The following ALK variants were observed in gnomAD, a reference collection of about 807,000 sequenced individuals.
ALK encodes the protein ALK tyrosine kinase receptor.
ALK carries 74 observed loss-of-function variants against 163.1 expected under a neutral mutation model. That is an observed-to-expected ratio of 0.45 (90% CI 0.38 to 0.55). The LOEUF is 0.55. ALK is among the 20% of genes least tolerant of loss of function. The pLI is 0.00. For synonymous variants in ALK, 960 were observed against 843.2 expected (o/e 1.14, Z -2.40); for missense variants, 2,063 against 2,105.3 (o/e 0.98, Z 0.39).
chr2:29,689,951 C>A (rs1678346869), intron 3 of ALK, among the ~76,000 whole-genome samples: 1 of 152,200 alleles, frequency 6.6e-6, no homozygotes, highest in Non-Finnish European at 1.5e-5. Context: ...GAAAGGATTT[C>A]TCTTCAGAGC....
chr2:29,552,772 G>C (rs1673748685), intron 3 of ALK, among the ~76,000 whole-genome samples: 1 of 152,174 alleles, frequency 6.6e-6, no homozygotes, highest in African/African-American at 2.4e-5. Flanking sequence ...ATTTTAAAAA[G>C]TAAACATCGG....
chr2:29,329,503 T>A (rs1667376333), intron 5 of ALK, among the ~76,000 whole-genome samples: 1 of 152,196 alleles, frequency 6.6e-6, no homozygotes, highest in Non-Finnish European at 1.5e-5. Context: ...CCTGCCTTAC[T>A]CTCTGCCTTG....
At chr2:29,607,239 C>T (rs1675564461) in intron 3 of ALK, among the ~76,000 whole-genome samples, 2 of 152,148 alleles carry the variant, frequency 1.3e-5, no homozygotes, top group African/African-American at 4.8e-5. Flanking sequence ...GTGCTTTCCT[C>T]CTTGACGGGC....
At chr2:29,808,616 C>T (rs896152183) in intron 1 of ALK, among the ~76,000 whole-genome samples, 4 of 152,190 alleles carry the variant, frequency 2.6e-5, no homozygotes, top group African/African-American at 9.7e-5. Context: ...CTCACTGGCC[C>T]GTGCTCCAAA....
intron 4 of ALK, among the ~76,000 whole-genome samples, chr2:29,477,510 C>A (rs1418310204): frequency 6.6e-6 from 1 of 152,068 alleles, no homozygotes; most frequent in Admixed American, 6.5e-5. Flanking sequence ...AAGTCCCCAC[C>A]CTCAGGTTCA....
At chr2:29,782,952 T>C (rs1178913478) in intron 1 of ALK, among the ~76,000 whole-genome samples, 1 of 152,244 alleles carries the variant, frequency 6.6e-6, no homozygotes, top group African/African-American at 2.4e-5. Flanking sequence ...GTGAGCCATT[T>C]TGCTGTTCAT....
rs1270090800 is a variant in ALK at position 29,921,547 on chromosome 2, C to T, written c.-888G>A. 1 of 231,670 alleles carries T rather than the reference C, an allele frequency of 4.3e-6. No individual in the cohort carries two copies. Among genetic ancestry groups the T allele is most frequent in the East Asian group, 6.1e-5 (1 of 16,488 alleles). 14.4% of individuals were successfully genotyped at this position (231,670 alleles called of 1,614,324 possible). A position where few individuals can be genotyped will look rare whatever the true frequency, so the allele number is the denominator to read the frequency against. ...CAGAGGCGGCGGGAGGTACCAGCTG[C>T]TACCACCGCTGCCGCCCCCAGAGCC... On this transcript the variant is annotated 5_prime_UTR_variant, in exon 1 of 29. Coordinates refer to ENST00000389048, the MANE Select transcript of ALK (RefSeq NM_004304.5).
At chr2:29,323,100 C>T (rs577035556) in intron 6 of ALK, among the ~76,000 whole-genome samples, 3 of 152,286 alleles carry the variant, frequency 2.0e-5, no homozygotes, top group African/African-American at 7.2e-5. Flanking sequence ...TACAAAAGTC[C>T]CTTCTTCCTT....
intron 1 of ALK, among the ~76,000 whole-genome samples, chr2:29,801,402 T>C (rs753294196): frequency 5.9e-5 from 9 of 152,208 alleles, no homozygotes; most frequent in Non-Finnish European, 1.3e-4. Context: ...AAAAAACAGA[T>C]GAGCATTCTA....
intron 1 of ALK, among the ~76,000 whole-genome samples, chr2:29,782,100 A>AG (rs1663832503): frequency 6.6e-6 from 1 of 152,070 alleles, no homozygotes; most frequent in Non-Finnish European, 1.5e-5. Flanking sequence ...GCCTCAGGGG[A>AG]GGGGGGACAA....
chr2:29,684,502 C>T (rs77874622), intron 3 of ALK, among the ~76,000 whole-genome samples: 50 of 152,268 alleles, frequency 3.3e-4, no homozygotes, highest in African/African-American at 7.9e-4. Context: ...TCTGTGTGGC[C>T]GGGATGGCTG....
intron 3 of ALK, among the ~76,000 whole-genome samples, chr2:29,620,564 G>A (rs1676005540): frequency 6.6e-6 from 1 of 151,982 alleles, no homozygotes; most frequent in East Asian, 1.9e-4. Context: ...ACACGGAGTC[G>A]GGGCCCTGGA....
chr2:29,595,812 G>A (rs766544202), intron 3 of ALK, among the ~76,000 whole-genome samples: 1 of 152,212 alleles, frequency 6.6e-6, no homozygotes, highest in African/African-American at 2.4e-5. Flanking sequence ...GGGATAAAGT[G>A]GTAGCTCAGA....
At chr2:29,863,630 G>A (rs1666351720) in intron 1 of ALK, among the ~76,000 whole-genome samples, 1 of 152,074 alleles carries the variant, frequency 6.6e-6, no homozygotes, top group Non-Finnish European at 1.5e-5. Flanking sequence ...TAAATAACAA[G>A]TGTTGCTGAG....
intron 5 of ALK, among the ~76,000 whole-genome samples, chr2:29,369,741 G>T (rs1668597118): frequency 6.6e-6 from 1 of 152,136 alleles, no homozygotes; most frequent in Non-Finnish European, 1.5e-5. Flanking sequence ...AAGAGGCTGA[G>T]GCTGGGGAGA....
intron 4 of ALK, among the ~76,000 whole-genome samples, chr2:29,524,443 G>C (rs1271072541): frequency 1.3e-5 from 2 of 152,188 alleles, no homozygotes; most frequent in African/African-American, 2.4e-5. Context: ...GAAAAGAAAT[G>C]GACCCAGAAG....
chr2:29,271,587 T>C (rs1347911432), intron 11 of ALK, among the ~76,000 whole-genome samples: 2 of 152,164 alleles, frequency 1.3e-5, no homozygotes, highest in African/African-American at 4.8e-5. Flanking sequence ...AAAATTGCAG[T>C]CTCTCTGCCC....
intron 1 of ALK, among the ~76,000 whole-genome samples, chr2:29,888,216 G>T (rs1572471337): frequency 6.8e-6 from 1 of 146,768 alleles, no homozygotes; most frequent in Non-Finnish European, 1.5e-5. Context: ...GATTGGGCCT[G>T]TAGACATTGA....
In ALK at chr2:29,222,298, G is replaced by A. The variant is rs114023028; in HGVS notation, c.3515+46C>T. 2.5e-6 allele frequency: 4 copies of A among 1,569,858 alleles called. No homozygotes were observed. In the African/African-American group the frequency reaches 4.1e-5, roughly 16 times the overall value. On this transcript the variant is annotated intron_variant, in intron 22 of 28. Transcript: ENST00000389048. ...TGTTAGAAACCTCTCCAGGTTCTTT[G>A]GGGGCAGAGGGGAGTTGGGGTGAGG... is the stretch of plus-strand genomic sequence containing the variant.
Sources: allele counts gnomAD v4.1 joint callset (sites outside exome capture counted in the v4.1 genomes callset), GRCh38; gene constraint gnomAD v4.1.1; transcripts MANE v1.5; gene names NCBI Gene and HGNC (gene_info 2026-07-23, HGNC 2026-07-21).